Variants in NCKAP5 observed in about 807,000 individuals in gnomAD.
NCKAP5 encodes the protein nck-associated protein 5.
A neutral mutation model predicts 167.0 loss-of-function variants in NCKAP5; 92 were observed. The ratio of observed to expected loss-of-function variants is 0.55; its 90% CI spans 0.47 to 0.66. The LOEUF is 0.66. Among genes scored for constraint, NCKAP5 ranks in the 30% least tolerant of loss-of-function variants. The pLI is 0.00. For synonymous variants in NCKAP5, 891 were observed against 877.4 expected, an observed-to-expected ratio of 1.02 and a Z score of -0.27; for missense variants, 2,378 against 2,315.0, an observed-to-expected ratio of 1.03 and a Z score of -0.56.
intron 11 of NCKAP5, among the ~76,000 whole-genome samples, chr2:132,833,863 A>G (rs1335537394): frequency 6.6e-6 from 1 of 152,096 alleles, no homozygotes. Flanking sequence ...ATTCCATATG[A>G]ATGTTAGGAA....
At chr2:133,142,331 C>T (rs1364074041) in intron 5 of NCKAP5, among the ~76,000 whole-genome samples, 2 of 152,138 alleles carry the variant, frequency 1.3e-5, no homozygotes, top group African/African-American at 2.4e-5. Context: ...ATACTACTCA[C>T]AAAAGATAGG....
At position 133,360,913 on chromosome 2, in the gene NCKAP5, A is replaced by G. The variant is rs535970680; in HGVS notation, c.70-57803T>C. 4.1e-4 allele frequency among the ~76,000 whole-genome samples: 62 copies of G among 151,760 alleles called. 1 individual carries two copies. In the South Asian group the frequency reaches 0.013, roughly 32 times the overall value. On this transcript the variant is annotated intron_variant, in intron 3 of 19. Transcript: ENST00000409261. Reference sequence around the variant, plus strand: ...GAATTTAGCTTCAGCAACTGGAACCAATACATGGTTTGAAAGTCTTCCCAT... The same window carrying G: ...GAATTTAGCTTCAGCAACTGGAACCGATACATGGTTTGAAAGTCTTCCCAT...
chr2:133,352,647 A>T (rs997855859), intron 3 of NCKAP5, among the ~76,000 whole-genome samples: 1 of 152,114 alleles, frequency 6.6e-6, no homozygotes, highest in African/African-American at 2.4e-5. Flanking sequence ...AGGCATGGGG[A>T]TGGGTGGACT....
At chr2:133,498,433 C>CGGAAGAAA (rs1553655753) in intron 3 of NCKAP5, among the ~76,000 whole-genome samples, 6 of 100,350 alleles carry the variant, frequency 6.0e-5, no homozygotes, top group Non-Finnish European at 1.2e-4. Context: ...ATGAGAAAAA[C>CGGAAGAAA]GGAAGGAAGG....
chr2:132,730,268 C>A (rs150510425), intron 17 of NCKAP5, among the ~76,000 whole-genome samples: 1,816 of 152,220 alleles, frequency 0.012, 19 homozygotes, highest in Middle Eastern at 0.048. Flanking sequence ...CCAAGGCAGG[C>A]GGATCACCTG....
intron 3 of NCKAP5, among the ~76,000 whole-genome samples, chr2:133,321,506 A>G (rs541459351): frequency 6.6e-6 from 1 of 152,332 alleles, no homozygotes; most frequent in South Asian, 2.1e-4. Flanking sequence ...TAAGCTTACA[A>G]TGACAAAACT....
intron 6 of NCKAP5, among the ~76,000 whole-genome samples, chr2:133,060,663 C>T (rs1446375973): frequency 6.6e-6 from 1 of 151,976 alleles, no homozygotes; most frequent in Non-Finnish European, 1.5e-5. Context: ...AACGGTGGGC[C>T]AATTTTCCTT....
At chr2:132,709,441 C>T (rs998238588) in intron 19 of NCKAP5, among the ~76,000 whole-genome samples, 45 of 151,718 alleles carry the variant, frequency 3.0e-4, no homozygotes, top group African/African-American at 1.0e-3. Context: ...ACAAAATTGG[C>T]AAACCACTAG....
chr2:133,260,217 C>T (rs970107783), intron 4 of NCKAP5, among the ~76,000 whole-genome samples: 2 of 152,148 alleles, frequency 1.3e-5, no homozygotes, highest in African/African-American at 4.8e-5. Flanking sequence ...CAGTGGTAAT[C>T]ACTCTTTTAA....
At chr2:133,089,188 C>G (rs2081091116) in intron 6 of NCKAP5, among the ~76,000 whole-genome samples, 1 of 152,184 alleles carries the variant, frequency 6.6e-6, no homozygotes. Flanking sequence ...AATCCCACCA[C>G]CTGCTGAAGT....
chr2:133,195,012 T>C (rs1158964595), intron 5 of NCKAP5, among the ~76,000 whole-genome samples: 4 of 152,046 alleles, frequency 2.6e-5, no homozygotes, highest in African/African-American at 9.7e-5. Flanking sequence ...AATACAGGCA[T>C]ATAAGATGCT....
intron 3 of NCKAP5, among the ~76,000 whole-genome samples, chr2:133,411,385 G>A (rs749987252): frequency 2.7e-4 from 41 of 152,184 alleles, no homozygotes; most frequent in Non-Finnish European, 3.4e-4. Flanking sequence ...AATGACTGGA[G>A]AATGTGCCAC....
chr2:132,936,823 T>C (rs1696889085), intron 8 of NCKAP5, among the ~76,000 whole-genome samples: 1 of 152,228 alleles, frequency 6.6e-6, no homozygotes, highest in Admixed American at 6.5e-5. Context: ...GTATCAACTT[T>C]ATAATTTTAC....
chr2:132,860,511 G>C lies in NCKAP5; in HGVS notation c.788C>G (p.Thr263Ser), dbSNP rs1689807052. The change falls in exon 11 of 20, where the codon ACT becomes AGT. Residue 263 changes from threonine to serine, a missense_variant. Physicochemically the swap from Thr to Ser is moderately conservative, Grantham distance 58 (BLOSUM62 1). This residue lies in a region of NCKAP5 where 1,049 missense variants were observed against 1,023.4 expected (regional missense o/e 1.02). Transcript: ENST00000409261. ...SILFQQRVRP[T>S]SDLLLQKLHS... ...ACATACCTGGAGGAGCAGATCAGAA[G>C]TGGGTCTGACTCGCTGTTGGAATAG... 6.3e-7 allele frequency: 1 copy of C among 1,579,922 alleles called. No individual in the cohort carries two copies. Among genetic ancestry groups the C allele is most frequent in the East Asian group, 2.3e-5 (1 of 43,824 alleles).
At chr2:133,119,296 G>C (rs1243268274) in intron 6 of NCKAP5, among the ~76,000 whole-genome samples, 1 of 152,118 alleles carries the variant, frequency 6.6e-6, no homozygotes, top group Non-Finnish European at 1.5e-5. Flanking sequence ...GAGCCACCAT[G>C]CCTGGCCCAG....
chr2:133,363,431 C>G (rs1300491216), intron 3 of NCKAP5, among the ~76,000 whole-genome samples: 3 of 152,130 alleles, frequency 2.0e-5, no homozygotes, highest in Non-Finnish European at 4.4e-5. Flanking sequence ...TATTTACTAT[C>G]AGCCTATTTA....
intron 5 of NCKAP5, among the ~76,000 whole-genome samples, chr2:133,179,477 G>A (rs1277453885): frequency 2.0e-5 from 3 of 152,008 alleles, no homozygotes; most frequent in Non-Finnish European, 4.4e-5. Flanking sequence ...AGATCTCTAA[G>A]TGAATGGAAA....
chr2:132,846,880 T>C (rs1328939908), intron 11 of NCKAP5, among the ~76,000 whole-genome samples: 3 of 152,232 alleles, frequency 2.0e-5, no homozygotes, highest in Non-Finnish European at 2.9e-5. Context: ...AAGGCTCTTT[T>C]ATAAATTGCA....
rs373366099 is a variant in NCKAP5 at position 132,731,760 on chromosome 2, C to T, written c.5420G>A (p.Arg1807His). 124 of 1,592,662 alleles carry T rather than the reference C, an allele frequency of 7.8e-5. 3 individuals carry two copies. The South Asian group carries it at 9.0e-4, about 12-fold the overall frequency. Residue 1807 changes from arginine to histidine, a missense_variant, in exon 17 of 20, where the codon CGC becomes CAC. Physicochemically the swap from Arg to His is conservative, Grantham distance 29. Around this residue, in one of 3 missense-constraint regions of NCKAP5, gnomAD observed 1,325 missense variants for 1,274.5 expected, o/e 1.04. Transcript: ENST00000409261. Reference protein sequence around the residue: ...TARGMRPLQSRLPKPASSGKV... With the variant: ...TARGMRPLQSHLPKPASSGKV... ...ACCTGAGGAAGCTGGTTTGGGGAGG[C>T]GGCTCTGAAGAGGCCTCATCCCTCT...
Sources: gnomAD v4.1 joint callset for allele counts (sites outside exome capture counted in the v4.1 genomes callset) on GRCh38, gnomAD v4.1.1 for gene constraint, gnomAD v4.1.1 regional missense constraint, MANE v1.5 for transcripts, NCBI Gene and HGNC (gene_info 2026-07-23, HGNC 2026-07-21) for gene names.